The following SPATA7 variants were observed in gnomAD, a reference collection of about 807,000 sequenced individuals.
SPATA7 encodes spermatogenesis-associated protein 7.
Under a neutral mutation model 51.8 loss-of-function variants are expected in SPATA7, and 43 were observed. The observed-to-expected ratio is 0.83, with a 90% CI of 0.65 to 1.07. The LOEUF is 1.07. SPATA7 is among the 50% of genes least tolerant of loss of function. The pLI, the probability that SPATA7 is intolerant of heterozygous loss-of-function variation, is 0.00. For missense variants in SPATA7, 683 were observed against 701.3 expected, an observed-to-expected ratio of 0.97 and a Z score of 0.30; for synonymous variants, 230 against 252.8, an observed-to-expected ratio of 0.91 and a Z score of 0.86.
intron 2 of SPATA7, among the ~76,000 whole-genome samples, chr14:88,392,410 A>G (rs1277995512): frequency 2.0e-5 from 3 of 152,162 alleles, no homozygotes; most frequent in Non-Finnish European, 4.4e-5. Flanking sequence ...TGTAACTCAT[A>G]TCTCTGTGCC....
chr14:88,418,836 C>G (rs1464022580), intron 5 of SPATA7, among the ~76,000 whole-genome samples: 1 of 152,160 alleles, frequency 6.6e-6, no homozygotes, highest in Non-Finnish European at 1.5e-5. Context: ...TTCTTAATCT[C>G]TGTATCTGCT....
intron 3 of SPATA7, among the ~76,000 whole-genome samples, chr14:88,448,095 C>T (rs1258643528): frequency 6.6e-6 from 1 of 152,120 alleles, no homozygotes; most frequent in African/African-American, 2.4e-5. Flanking sequence ...AACTTGGTTC[C>T]ATTCTCCCCG....
At chr14:88,465,598 G>A (rs141525389) in intron 4 of SPATA7, among the ~76,000 whole-genome samples, 1 of 152,326 alleles carries the variant, frequency 6.6e-6, no homozygotes, top group East Asian at 1.9e-4. Flanking sequence ...GAAAACAGTG[G>A]TTTATAACTC....
At position 88,414,209 on chromosome 14, in the gene SPATA7, GT is replaced by G. The variant is rs758261219; in HGVS notation, c.239-2494del. ...GTCCAGGGCTTTTTATGGTTGGTAG[GT>G]TTTTTTTATTACTGGTTCGATTTTG... On this transcript the variant is annotated intron_variant, in intron 4 of 11. Coordinates refer to ENST00000393545, the MANE Select transcript of SPATA7 (RefSeq NM_018418.5). Among the ~76,000 whole-genome samples, 153 of 151,948 alleles carry G rather than the reference GT, an allele frequency of 1.0e-3. 2 individuals are homozygous for G. The highest frequency in any genetic ancestry group is 9.7e-3 in the Admixed American group (148 of 15,260).
chr14:88,468,372 C>T (rs1323655772), intron 4 of SPATA7: 1 of 1,095,990 alleles, frequency 9.1e-7, no homozygotes, highest in Non-Finnish European at 1.3e-6. Context: ...GATGGACAGT[C>T]TCTTTTCCAC....
intron 3 of SPATA7, among the ~76,000 whole-genome samples, chr14:88,451,791 T>C (rs544414303): frequency 6.6e-6 from 1 of 152,284 alleles, no homozygotes; most frequent in South Asian, 2.1e-4. Flanking sequence ...TCCCAAAGTG[T>C]TGGGGTTATA....
chr14:88,413,119 A>G (rs1012216379), intron 4 of SPATA7, among the ~76,000 whole-genome samples: 1 of 152,274 alleles, frequency 6.6e-6, no homozygotes, highest in Middle Eastern at 3.4e-3. Flanking sequence ...GAATAGTGCT[A>G]AATCTCTAGA....
At chr14:88,430,287 A>G (rs73327460) in intron 8 of SPATA7, among the ~76,000 whole-genome samples, 22 of 152,256 alleles carry the variant, frequency 1.4e-4, no homozygotes, top group African/African-American at 4.8e-4. Context: ...TGCTAAGGCC[A>G]TGGAGAGTTC....
intron 3 of SPATA7, among the ~76,000 whole-genome samples, chr14:88,444,889 C>A (rs1462411984): frequency 6.6e-6 from 1 of 152,098 alleles, no homozygotes; most frequent in African/African-American, 2.4e-5. Context: ...TTACTGTAGC[C>A]TTGTAGTATA....
intron 3 of SPATA7, among the ~76,000 whole-genome samples, chr14:88,448,478 C>T (rs1215991873): frequency 6.6e-6 from 1 of 152,194 alleles, no homozygotes; most frequent in African/African-American, 2.4e-5. Context: ...GCCTTCTTCT[C>T]TCAGCTCGTC....
chr14:88,442,615 A>G (rs909015826), downstream of SPATA7, among the ~76,000 whole-genome samples: 1 of 152,208 alleles, frequency 6.6e-6, no homozygotes, highest in African/African-American at 2.4e-5. Context: ...ATGTTAAACC[A>G]TCCCTGCAGC....
intron 1 of SPATA7, 90 bp downstream of exon 1, chr14:88,385,927 C>G (rs765067082): frequency 1.4e-6 from 2 of 1,398,112 alleles, no homozygotes; most frequent in Non-Finnish European, 1.9e-6. Flanking sequence ...GAGTGCAAGG[C>G]CGCCCCTTGG....
intron 3 of SPATA7, among the ~76,000 whole-genome samples, chr14:88,453,884 T>G (rs2077267352): frequency 6.6e-6 from 1 of 152,162 alleles, no homozygotes; most frequent in African/African-American, 2.4e-5. Context: ...GAAGATCTTT[T>G]TGGGTTGGAG....
At chr14:88,435,060 C>T (rs2077048712) in intron 10 of SPATA7, among the ~76,000 whole-genome samples, 1 of 152,042 alleles carries the variant, frequency 6.6e-6, no homozygotes, top group Admixed American at 6.6e-5. Context: ...GTTAAATTCT[C>T]CTAAAGGCTT....
chr14:88,396,186 T>G lies in SPATA7; in HGVS notation c.221T>G (p.Val74Gly). 1 of 1,609,884 alleles carries G rather than the reference T, an allele frequency of 6.2e-7. No homozygotes were observed. Among genetic ancestry groups the G allele is most frequent in the Non-Finnish European group, 8.5e-7 (1 of 1,177,580 alleles). Residue 74 changes from valine (V) to glycine (G), a missense_variant, in exon 4 of 12, where the codon GTG (valine) becomes GGG (glycine). Physicochemically the swap from Val to Gly is moderately radical, Grantham distance 109. Coordinates refer to ENST00000393545, the MANE Select transcript of SPATA7 (RefSeq NM_018418.5). Reference protein sequence around the residue: ...AAVDCSVPVSVSTSIKYADQQ... With the variant: ...AAVDCSVPVSGSTSIKYADQQ... ...GTAGACTGCTCGGTTCCAGTAAGCGTGAGTACCAGCATAAAGTGTAAGTAA... is the reference window on the plus strand; with the variant it reads ...GTAGACTGCTCGGTTCCAGTAAGCGGGAGTACCAGCATAAAGTGTAAGTAA...
chr14:88,461,217 C>T (rs1000787908), intron 4 of SPATA7, among the ~76,000 whole-genome samples: 1 of 152,198 alleles, frequency 6.6e-6, no homozygotes, highest in African/African-American at 2.4e-5. Context: ...TCTGGGAGAA[C>T]CACTATTCAC....
In SPATA7 at chr14:88,469,386, G is replaced by GCT; in HGVS notation, c.255-461_255-460insCT. 2.1e-6 allele frequency: 2 copies of GCT among 970,852 alleles called. No homozygotes were observed. The highest frequency in any genetic ancestry group is 3.1e-6 in the Non-Finnish European group (2 of 653,234). The allele number at this position is 970,852 out of a possible 1,614,324, so 60.1% of individuals were successfully genotyped here. ...ACTTGTATTCTTTATGTTAAAACAA[G>GCT]TCCGAAGCTTATATGAGATAACATA... On this transcript the variant is annotated intron_variant, in intron 4 of 4. Coordinates refer to the SPATA7 transcript ENST00000556406. This position sits in a 1 kb window ranked among gnomAD's most constrained non-coding sequence, Gnocchi z 4.3.
intron 4 of SPATA7, among the ~76,000 whole-genome samples, chr14:88,462,304 A>C (rs1373228830): frequency 6.6e-6 from 1 of 152,218 alleles, no homozygotes; most frequent in East Asian, 1.9e-4. Context: ...TTCTCAGCTG[A>C]TGAGCAGACA....
chr14:88,399,448 T>C (rs1434538263), intron 4 of SPATA7, among the ~76,000 whole-genome samples: 1 of 152,216 alleles, frequency 6.6e-6, no homozygotes, highest in South Asian at 2.1e-4. Context: ...TCTTAGTACA[T>C]ATTTTTAAAG....
Sources: gnomAD v4.1 joint callset for allele counts (sites outside exome capture counted in the v4.1 genomes callset) on GRCh38, gnomAD v4.1.1 for gene constraint, Gnocchi (gnomAD v3.1) non-coding constraint, MANE v1.5 for transcripts, NCBI Gene and HGNC (gene_info 2026-07-23, HGNC 2026-07-21) for gene names.